The following KLHDC10 variants were observed in gnomAD, a reference collection of about 807,000 sequenced individuals.
The protein encoded by KLHDC10 is kelch domain-containing protein 10.
In KLHDC10, 24 loss-of-function variants were observed where a neutral mutation model predicts 56.1. The observed-to-expected ratio is 0.43, with a 90% confidence interval of 0.31 to 0.60. KLHDC10 has a LOEUF of 0.60. Among genes scored for constraint, KLHDC10 ranks in the 20% least tolerant of loss-of-function variants. The pLI is 0.11. For missense variants in KLHDC10, 349 were observed against 567.0 expected (o/e 0.62, Z 3.91); for synonymous variants, 188 against 207.1 (o/e 0.91, Z 0.79).
intron 1 of KLHDC10, among the ~76,000 whole-genome samples, chr7:130,089,400 T>G (rs1387273658): frequency 6.6e-6 from 1 of 152,134 alleles, no homozygotes; most frequent in Non-Finnish European, 1.5e-5. Flanking sequence ...CAAGACCAGC[T>G]TGGGCAACAT....
At chr7:130,072,223 A>G (rs541464343) in intron 1 of KLHDC10, among the ~76,000 whole-genome samples, 41 of 152,352 alleles carry the variant, frequency 2.7e-4, no homozygotes, top group Admixed American at 9.2e-4. Flanking sequence ...TTTGCCCTCT[A>G]CTACCGCAAT....
At chr7:130,128,084 A>C (rs1443452464) in intron 8 of KLHDC10, among the ~76,000 whole-genome samples, 1 of 152,232 alleles carries the variant, frequency 6.6e-6, no homozygotes, top group East Asian at 1.9e-4. Flanking sequence ...GATAGCCTGT[A>C]TGCTTTTAGC....
At chr7:130,114,783 G>A (rs914229489) in intron 2 of KLHDC10, among the ~76,000 whole-genome samples, 1 of 152,056 alleles carries the variant, frequency 6.6e-6, no homozygotes, top group East Asian at 1.9e-4. Context: ...AGGGTGGTGT[G>A]CACTAGACTT....
At chr7:130,129,673 C>A in intron 9 of KLHDC10, 97 bp downstream of exon 9, 1 of 1,086,816 alleles carries the variant, frequency 9.2e-7, no homozygotes, top group Non-Finnish European at 1.3e-6. Context: ...TATAGGCAAA[C>A]CTTAGATGAT....
chr7:130,086,647 G>T (rs1191458962), intron 1 of KLHDC10, among the ~76,000 whole-genome samples: 1 of 151,890 alleles, frequency 6.6e-6, no homozygotes, highest in Non-Finnish European at 1.5e-5. Flanking sequence ...TATATTTTGG[G>T]GATTGTTCTG....
chr7:130,110,103 G>C (rs80046254), intron 2 of KLHDC10, among the ~76,000 whole-genome samples: 7,916 of 152,228 alleles, frequency 0.052, 280 homozygotes, highest in South Asian at 0.14. Flanking sequence ...ACGTCCCTTT[G>C]TTTGGGTTTC....
intron 1 of KLHDC10, among the ~76,000 whole-genome samples, chr7:130,096,202 T>C (rs1408271356): frequency 6.6e-6 from 1 of 152,210 alleles, no homozygotes; most frequent in African/African-American, 2.4e-5. Flanking sequence ...ATAAGAGCTA[T>C]ATTTGGGAGC....
chr7:130,122,738 G>A (rs755419576), intron 5 of KLHDC10, among the ~76,000 whole-genome samples: 1 of 152,144 alleles, frequency 6.6e-6, no homozygotes, highest in Non-Finnish European at 1.5e-5. Context: ...TACAGATGAG[G>A]CCGCACCGTG....
chr7:130,087,925 T>G (rs10954260), intron 1 of KLHDC10, among the ~76,000 whole-genome samples: 53,703 of 151,420 alleles, frequency 0.35, 10,604 homozygotes, highest in Non-Finnish European at 0.44. Context: ...CACGCCTGGC[T>G]AATTTTTGTA....
At chr7:130,093,191 T>A (rs887398328) in intron 1 of KLHDC10, among the ~76,000 whole-genome samples, 1 of 149,382 alleles carries the variant, frequency 6.7e-6, no homozygotes, top group African/African-American at 2.5e-5. Context: ...GATGAAGTTA[T>A]TGAAGAAATT....
Position 130,070,619 on chromosome 7 carries a change from G to C in KLHDC10, c.-25G>C. The C allele has an allele frequency of 7.6e-7, 1 of 1,313,906 alleles. No individual in the cohort carries two copies. The allele number at this position is 1,313,906 out of a possible 1,614,324, so 81.4% of individuals were successfully genotyped here. On this transcript the variant is annotated 5_prime_UTR_variant, in exon 1 of 10. Coordinates refer to ENST00000335420, the MANE Select transcript of KLHDC10 (RefSeq NM_014997.4). Reference sequence around the variant, plus strand: ...CGCTGGGTCAGGCGCTGACGGGACCGGGCTGCGGCAATCGTTAGCGGGTCA... The same window carrying C: ...CGCTGGGTCAGGCGCTGACGGGACCCGGCTGCGGCAATCGTTAGCGGGTCA...
chr7:130,113,495 G>A (rs900331084), intron 2 of KLHDC10, among the ~76,000 whole-genome samples: 1 of 152,036 alleles, frequency 6.6e-6, no homozygotes, highest in Non-Finnish European at 1.5e-5. Flanking sequence ...ACCACACCTG[G>A]CTAGTTTTCG....
chr7:130,088,029 G>A (rs1795716223), intron 1 of KLHDC10, among the ~76,000 whole-genome samples: 1 of 151,870 alleles, frequency 6.6e-6, no homozygotes, highest in Admixed American at 6.6e-5. Context: ...ACAAAGTGCT[G>A]GAATTACAGG....
At chr7:130,079,974 C>G (rs1271686407) in intron 1 of KLHDC10, among the ~76,000 whole-genome samples, 1 of 149,254 alleles carries the variant, frequency 6.7e-6, no homozygotes, top group Non-Finnish European at 1.5e-5. Context: ...CCCTCCCTCC[C>G]TCTGTCGCCC....
rs749037882 is a variant in KLHDC10, at chr7:130,116,589, G to C, written c.398G>C (p.Arg133Thr). The C allele has an allele frequency of 6.2e-7, 1 of 1,614,162 alleles. No homozygotes were observed. The highest frequency in any genetic ancestry group is 8.5e-7 in the Non-Finnish European group (1 of 1,180,020). Residue 133 changes from arginine (R) to threonine (T), a missense_variant, in exon 3 of 10, where the codon AGG becomes ACG. Transcript: ENST00000335420. The surrounding 1 kb of genome is among the most constrained non-coding windows in gnomAD (Gnocchi z 4.8). The part of the protein sequence containing the change: ...EDYPLFRELW[R>T]YHFATGVWHQ... ...TATCCTCTCTTCAGGGAACTCTGGAGGTATCATTTTGCTACAGGAGTATGG... is the reference window on the plus strand; with the variant it reads ...TATCCTCTCTTCAGGGAACTCTGGACGTATCATTTTGCTACAGGAGTATGG...
chr7:130,125,694 C>T (rs992798546), intron 6 of KLHDC10, among the ~76,000 whole-genome samples, 171 bp from the exon 7 acceptor site: 23 of 152,176 alleles, frequency 1.5e-4, no homozygotes, highest in Admixed American at 6.5e-5. Context: ...CAGGCTGCTG[C>T]TGTTAAAAGT....
At chr7:130,078,402 T>C (rs896697835) in intron 1 of KLHDC10, among the ~76,000 whole-genome samples, 2 of 151,924 alleles carry the variant, frequency 1.3e-5, no homozygotes, top group Admixed American at 6.6e-5. Flanking sequence ...AAAAATAAAA[T>C]AAAATAGAGA....
chr7:130,097,088 G>T, intron 2 of KLHDC10, 81 bp downstream of exon 2: 1 of 980,368 alleles, frequency 1.0e-6, no homozygotes, highest in Admixed American at 2.4e-5. Context: ...TCAAAACTCT[G>T]GTTTTTAAAA....
chr7:130,070,936 G>A (rs1331707558), intron 1 of KLHDC10, 127 bp downstream of exon 1: 1 of 575,742 alleles, frequency 1.7e-6, no homozygotes, highest in Non-Finnish European at 2.6e-6. Context: ...AGAGGGACTG[G>A]GGATCAGAGA....
Sources: allele counts gnomAD v4.1 joint callset (sites outside exome capture counted in the v4.1 genomes callset), GRCh38; gene constraint gnomAD v4.1.1; non-coding constraint Gnocchi (gnomAD v3.1); transcripts MANE v1.5; gene names NCBI Gene and HGNC (gene_info 2026-07-23, HGNC 2026-07-21).